GPR161: variants seen among roughly 807,000 people sequenced by gnomAD.
The protein encoded by GPR161 is G protein-coupled receptor 161, also known as G-protein coupled receptor RE2.
Under a neutral mutation model 39.2 loss-of-function variants are expected in GPR161, and 25 were observed. The ratio of observed to expected loss-of-function variants is 0.64; its 90% CI spans 0.47 to 0.89. GPR161 has a LOEUF of 0.89. Among genes scored for constraint, GPR161 ranks in the 40% least tolerant of loss-of-function variants. The pLI is 0.00. For synonymous variants in GPR161, 286 were observed against 276.6 expected (o/e 1.03, Z -0.34); for missense variants, 547 against 677.8 (o/e 0.81, Z 2.14).
intron 4 of GPR161, chr1:168,090,318 T>G (rs1044067722): frequency 2.6e-6 from 1 of 386,562 alleles, no homozygotes; most frequent in African/African-American, 2.0e-5. Context: ...AACCCCCTAA[T>G]AACACCGTGC....
chr1:168,122,786 C>T (rs72699757), intron 1 of GPR161, among the ~76,000 whole-genome samples: 3 of 152,266 alleles, frequency 2.0e-5, no homozygotes, highest in African/African-American at 7.2e-5. Flanking sequence ...CTTCATACCC[C>T]CTCCAACACT....
At chr1:168,094,884 C>G (rs1234937647) in intron 3 of GPR161, among the ~76,000 whole-genome samples, 1 of 152,138 alleles carries the variant, frequency 6.6e-6, no homozygotes, top group Non-Finnish European at 1.5e-5. Context: ...TGGGAAAGGG[C>G]CAAAGAGGAA....
intron 1 of GPR161, among the ~76,000 whole-genome samples, chr1:168,111,447 G>C (rs1427596656): frequency 2.0e-5 from 3 of 152,100 alleles, no homozygotes; most frequent in East Asian, 3.9e-4. Flanking sequence ...AAGATTTTTG[G>C]GTAAAGCTGC....
Position 168,098,073 on chromosome 1 carries a change from C to G in GPR161, c.375-841G>C, listed in dbSNP as rs1305014964. Among the ~76,000 whole-genome samples the G allele has an allele frequency of 6.6e-6, 1 of 152,154 alleles. No homozygotes were observed. Among genetic ancestry groups the G allele is most frequent in the Non-Finnish European group, 1.5e-5 (1 of 68,018 alleles). On this transcript the variant is annotated intron_variant, in intron 2 of 5. Transcript: ENST00000682931. The surrounding 1 kb of genome is among the most constrained non-coding windows in gnomAD (Gnocchi z 4.1). Reference sequence around the variant, plus strand: ...AAACTGGCAGGCTTCTGGTCCAGCACAGAGGGTCACAGCAGGCTCCTGTTG... The same window carrying G: ...AAACTGGCAGGCTTCTGGTCCAGCAGAGAGGGTCACAGCAGGCTCCTGTTG...
At chr1:168,122,513 C>T (rs1698259493) in intron 1 of GPR161, among the ~76,000 whole-genome samples, 1 of 152,160 alleles carries the variant, frequency 6.6e-6, no homozygotes, top group Non-Finnish European at 1.5e-5. Flanking sequence ...AAAAGATTCC[C>T]ATGTCACACA....
intron 3 of GPR161, among the ~76,000 whole-genome samples, chr1:168,091,055 G>A (rs777013724): frequency 6.6e-6 from 1 of 152,226 alleles, no homozygotes; most frequent in Non-Finnish European, 1.5e-5. Context: ...TTATCAAAGA[G>A]GGATTTTTAA....
chr1:168,119,015 G>A (rs139220499), intron 1 of GPR161, among the ~76,000 whole-genome samples: 1 of 151,686 alleles, frequency 6.6e-6, no homozygotes, highest in Non-Finnish European at 1.5e-5. Context: ...AGCCACTGTG[G>A]AGAATAGTAT....
rs200315448 is a variant in GPR161, at chr1:168,104,784, C to T, written c.67G>A (p.Glu23Lys). 14 of 1,613,896 alleles carry T rather than the reference C, an allele frequency of 8.7e-6. No individual in the cohort carries two copies. Among genetic ancestry groups the T allele is most frequent in the Admixed American group, 5.0e-5 (3 of 59,924 alleles). ...LSNLTEEEGG[E>K]GGVIITQFIA... is the part of the protein sequence containing the mutation. The stretch of plus-strand genomic sequence containing the variant: ...AACTGGGTGATGATGACGCCCCCTT[C>T]GCCACCCTCCTCCTCAGTGAGATTA... The change falls in exon 2 of 6, where the codon GAA (glutamate) becomes AAA (lysine). Residue 23 changes from glutamate (E) to lysine (K), a missense_variant. Transcript: ENST00000682931.
In GPR161 at chr1:168,083,655, G is replaced by A; in HGVS notation, c.*1876C>T. 1 of 152,384 alleles carries A rather than the reference G, an allele frequency of 6.6e-6. No homozygotes were observed. The highest frequency in any genetic ancestry group is 1.5e-5 in the Non-Finnish European group (1 of 68,090). The allele number at this position is 152,384 out of a possible 1,614,324, so 9.4% of individuals were successfully genotyped here. The stretch of plus-strand genomic sequence containing the variant: ...GTGATGGAAGCAGAGTGTCTGACCT[G>A]CACAGGTGAACCTGCCCTCTGCTCC... On this transcript the variant is annotated 3_prime_UTR_variant, in exon 6 of 6. Coordinates refer to ENST00000682931, the MANE Select transcript of GPR161 (RefSeq NM_001375883.1).
In GPR161 at chr1:168,083,432, T is replaced by C. The variant is rs1029802145; in HGVS notation, c.*2099A>G. 2 of 152,298 alleles carry C rather than the reference T, an allele frequency of 1.3e-5. No individual in the cohort carries two copies. The highest frequency in any genetic ancestry group is 2.4e-5 in the African/African-American group (1 of 41,436). The allele number at this position is 152,298 out of a possible 1,614,324, so 9.4% of individuals were successfully genotyped here. A position where few individuals can be genotyped will look rare whatever the true frequency, so the allele number is the denominator to read the frequency against. On this transcript the variant is annotated 3_prime_UTR_variant, in exon 6 of 6. Coordinates refer to ENST00000682931, the MANE Select transcript of GPR161 (RefSeq NM_001375883.1). Reference sequence around the variant, plus strand: ...CAACCCTTGCGTTTCAAAGCCAAGCTGCTGCACTCAAGAATGCCTACACCT... The same window carrying C: ...CAACCCTTGCGTTTCAAAGCCAAGCCGCTGCACTCAAGAATGCCTACACCT...
rs1271527757 is a variant in GPR161 at position 168,087,769 on chromosome 1, C to T, written c.1205-65G>A. ...TAAAGTCCTCCTGGCCTCTTCTCCC[C>T]TCTCAACACCCCTTCCACCCCTCTT... is the stretch of plus-strand genomic sequence containing the variant. On this transcript the variant is annotated intron_variant, in intron 4 of 5. Coordinates refer to ENST00000682931, the MANE Select transcript of GPR161 (RefSeq NM_001375883.1). The T allele has an allele frequency of 7.4e-6, 11 of 1,489,832 alleles. No homozygotes were observed. The East Asian group carries it at 2.1e-4, about 28-fold the overall frequency. The allele number at this position is 1,489,832 out of a possible 1,614,324, so 92.3% of individuals were successfully genotyped here.
chr1:168,115,953 AT>A (rs1697595976), intron 1 of GPR161, among the ~76,000 whole-genome samples: 1 of 151,336 alleles, frequency 6.6e-6, no homozygotes, highest in African/African-American at 2.4e-5. Flanking sequence ...TTTTTTTTGT[AT>A]TTTTAGTAAA....
At position 168,083,700 on chromosome 1, in the gene GPR161, G is replaced by A. The variant is rs1694232968; in HGVS notation, c.*1831C>T. On this transcript the variant is annotated 3_prime_UTR_variant, in exon 6 of 6. Coordinates refer to ENST00000682931, the MANE Select transcript of GPR161 (RefSeq NM_001375883.1). ...TGCTCCTTCCCACTCCCATCCAGAA[G>A]CTAGGCCAGCGCCTGGCATCCAGGT... is the stretch of plus-strand genomic sequence containing the variant. The A allele has an allele frequency of 6.6e-6, 1 of 152,330 alleles. No homozygotes were observed. Among genetic ancestry groups the A allele is most frequent in the Non-Finnish European group, 1.5e-5 (1 of 68,142 alleles). 9.4% of individuals were successfully genotyped at this position (152,330 alleles called of 1,614,324 possible).
chr1:168,134,540 C>T (rs941599946), intron 1 of GPR161, among the ~76,000 whole-genome samples: 5 of 152,102 alleles, frequency 3.3e-5, no homozygotes, highest in African/African-American at 1.2e-4. Context: ...CCATTTCTCC[C>T]CTGCTGTCAT....
At chr1:168,094,057 CAGCT>C (rs1351368261) in intron 3 of GPR161, among the ~76,000 whole-genome samples, 1 of 152,112 alleles carries the variant, frequency 6.6e-6, no homozygotes, top group Non-Finnish European at 1.5e-5. Flanking sequence ...ATGAGACCAC[CAGCT>C]GCCTGGGATG....
rs1694094103 is a variant in GPR161, at chr1:168,081,834, A to AT, written c.*3696dup. 1.3e-5 allele frequency: 2 copies of AT among 152,632 alleles called. No individual in the cohort carries two copies. The highest frequency in any genetic ancestry group is 2.9e-5 in the Non-Finnish European group (2 of 68,162). 9.5% of individuals were successfully genotyped at this position (152,632 alleles called of 1,614,324 possible). On this transcript the variant is annotated 3_prime_UTR_variant, in exon 6 of 6. Coordinates refer to ENST00000682931, the MANE Select transcript of GPR161 (RefSeq NM_001375883.1). ...GGTCAGGCCCACAGAAGGCAGTCACATGCCAGCTCACTGCCTCCTCTTTAT... is the reference window on the plus strand; with the variant it reads ...GGTCAGGCCCACAGAAGGCAGTCACATTGCCAGCTCACTGCCTCCTCTTTAT...
At chr1:168,111,536 G>T (rs1201318977) in intron 1 of GPR161, among the ~76,000 whole-genome samples, 1 of 152,226 alleles carries the variant, frequency 6.6e-6, no homozygotes, top group East Asian at 1.9e-4. Flanking sequence ...GCCTGGAGCT[G>T]TGGCAGTCGT....
At chr1:168,136,354 C>G (rs1699370931) in intron 1 of GPR161, 1 of 1,473,448 alleles carries the variant, frequency 6.8e-7, no homozygotes, top group Non-Finnish European at 9.0e-7. Context: ...GGGGGCGCGG[C>G]CCGCATCGGC....
At chr1:168,095,141 C>T (rs1188211043) in intron 3 of GPR161, among the ~76,000 whole-genome samples, 6 of 152,218 alleles carry the variant, frequency 3.9e-5, no homozygotes, top group African/African-American at 1.4e-4. Context: ...GAGAAAGCAT[C>T]AGATGAACAC....
Sources: gnomAD v4.1 joint callset for allele counts (sites outside exome capture counted in the v4.1 genomes callset) on GRCh38, gnomAD v4.1.1 for gene constraint, Gnocchi (gnomAD v3.1) non-coding constraint, MANE v1.5 for transcripts, NCBI Gene and HGNC (gene_info 2026-07-23, HGNC 2026-07-21) for gene names.